The following MME variants were observed in gnomAD, a reference collection of about 807,000 sequenced individuals.
MME encodes the protein membrane metalloendopeptidase.
In MME, 98 loss-of-function variants were observed where a neutral mutation model predicts 113.2. The observed-to-expected ratio is 0.87, with a 90% confidence interval of 0.74 to 1.02. MME has a LOEUF of 1.02. Ranked by LOEUF, MME falls within the 50% of genes least tolerant of loss-of-function variation. The pLI, the probability that MME is intolerant of heterozygous loss-of-function variation, is 0.00. For synonymous variants in MME, 292 were observed against 300.6 expected, an observed-to-expected ratio of 0.97 and a Z score of 0.30; for missense variants, 836 against 896.0, an observed-to-expected ratio of 0.93 and a Z score of 0.86.
At chr3:155,104,833 A>G (rs774390531) in intron 3 of MME, among the ~76,000 whole-genome samples, 14 of 152,230 alleles carry the variant, frequency 9.2e-5, no homozygotes, top group Non-Finnish European at 1.0e-4. Flanking sequence ...TCAACAGCAG[A>G]TCTGATAACT....
intron 21 of MME, 106 bp from the exon 22 acceptor site, chr3:155,172,430 A>G (rs1712075571): frequency 1.1e-6 from 1 of 941,698 alleles, no homozygotes; most frequent in Non-Finnish European, 1.8e-6. Context: ...TGGTTGAGGA[A>G]TGCAGAATTC....
chr3:155,119,520 A>G (rs1576608161), intron 8 of MME, among the ~76,000 whole-genome samples: 1 of 123,666 alleles, frequency 8.1e-6, no homozygotes, highest in East Asian at 2.5e-4. Flanking sequence ...GCACCCACTA[A>G]CTCGTCATCT....
chr3:155,152,435 A>C (rs1303573355), intron 16 of MME, among the ~76,000 whole-genome samples: 2 of 152,220 alleles, frequency 1.3e-5, no homozygotes, highest in Non-Finnish European at 2.9e-5. Context: ...ACCAGAGCTT[A>C]AACACTAATG....
At chr3:155,106,067 A>G (rs1291569852) in intron 3 of MME, among the ~76,000 whole-genome samples, 1 of 152,218 alleles carries the variant, frequency 6.6e-6, no homozygotes, top group African/African-American at 2.4e-5. Context: ...ATATAGTTAT[A>G]AACTAATTAC....
intron 17 of MME, among the ~76,000 whole-genome samples, chr3:155,160,823 A>G (rs1559958758): frequency 6.6e-6 from 1 of 152,068 alleles, no homozygotes; most frequent in Non-Finnish European, 1.5e-5. Flanking sequence ...AAGTGGTTTA[A>G]GGTTTCAAGA....
chr3:155,042,306 T>C (rs1713348557), intron 1 of MME, among the ~76,000 whole-genome samples: 1 of 152,194 alleles, frequency 6.6e-6, no homozygotes, highest in African/African-American at 2.4e-5. Context: ...CTAATTACTT[T>C]TTTATTTTAA....
intron 3 of MME, among the ~76,000 whole-genome samples, chr3:155,103,899 T>C (rs1717469896): frequency 6.6e-6 from 1 of 152,140 alleles, no homozygotes; most frequent in African/African-American, 2.4e-5. Context: ...ATAAACTCAC[T>C]TATGGAAGGA....
chr3:155,036,682 T>C (rs896028290), intron 1 of MME, among the ~76,000 whole-genome samples: 10 of 152,150 alleles, frequency 6.6e-5, no homozygotes, highest in South Asian at 2.1e-4. Flanking sequence ...TGTCAAATAA[T>C]GTGTAACAAA....
intron 5 of MME, 43 bp downstream of exon 5, chr3:155,116,602 A>C: frequency 6.8e-7 from 1 of 1,475,250 alleles, no homozygotes; most frequent in Middle Eastern, 1.8e-4. Flanking sequence ...ATATATATAT[A>C]TATATTGGTG....
chr3:155,138,110 A>G lies in MME; in HGVS notation c.729A>G (p.Thr243=). The G allele has an allele frequency of 1.2e-6, 2 of 1,613,768 alleles. No homozygotes were observed. The highest frequency in any genetic ancestry group is 1.7e-6 in the Non-Finnish European group (2 of 1,179,784). Residue 243 remains threonine (T), a synonymous_variant, in exon 9 of 23, where the codon ACA becomes ACG. Coordinates refer to ENST00000360490, the MANE Select transcript of MME (RefSeq NM_007289.4). The stretch of plus-strand genomic sequence containing the variant: ...CTATTTTTTTCTTGCAGGCTTGTAC[A>G]GCATATGTGGATTTTATGATTTCTG... The part of the protein sequence containing the change: ...ECTGIYKEAC[T]AYVDFMISVA...
Position 155,116,778 on chromosome 3 carries a change from T to C in MME, c.535+19T>C, listed in dbSNP as rs201933048. On this transcript the variant is annotated intron_variant, in intron 6 of 22. Coordinates refer to ENST00000360490, the MANE Select transcript of MME (RefSeq NM_007289.4). The stretch of plus-strand genomic sequence containing the variant: ...AAATATGGTAAGGCAATTTTCCTAC[T>C]AAAAAAGAAATTTCCATGTAAAATC... 1 of 1,601,300 alleles carries C rather than the reference T, an allele frequency of 6.2e-7. No individual in the cohort carries two copies. Among genetic ancestry groups the C allele is most frequent in the Non-Finnish European group, 8.6e-7 (1 of 1,168,856 alleles).
At chr3:155,169,173 A>T (rs1361811596) in intron 20 of MME, among the ~76,000 whole-genome samples, 2 of 152,220 alleles carry the variant, frequency 1.3e-5, no homozygotes, top group African/African-American at 4.8e-5. Flanking sequence ...GACCAATATA[A>T]GAAACAGGAC....
upstream of MME, among the ~76,000 whole-genome samples, chr3:155,078,270 C>T (rs1398171689): frequency 2.0e-5 from 3 of 152,026 alleles, no homozygotes; most frequent in East Asian, 5.8e-4. Context: ...AGTCAAGCCC[C>T]GCATGCTTAT....
chr3:155,069,048 A>T (rs770587078), intron 1 of MME, among the ~76,000 whole-genome samples: 1 of 152,236 alleles, frequency 6.6e-6, no homozygotes, highest in Non-Finnish European at 1.5e-5. Context: ...CTGAGCCTGT[A>T]AAGTATATAG....
Position 155,063,916 on chromosome 3 carries a change from T to C in MME, c.-10-20242T>C, listed in dbSNP as rs117909505. 1.1e-4 allele frequency among the ~76,000 whole-genome samples: 16 copies of C among 151,548 alleles called. No homozygotes were observed. In the East Asian group the frequency reaches 3.1e-3, roughly 29 times the overall value. ...TCTCAATGTGACTGTATTTGGGAGATGGGGGCTTTACAGAGGTAATCAAGG... is the reference window on the plus strand; with the variant it reads ...TCTCAATGTGACTGTATTTGGGAGACGGGGGCTTTACAGAGGTAATCAAGG... On this transcript the variant is annotated intron_variant, in intron 1 of 22. Coordinates refer to the MME transcript ENST00000492661.
intron 3 of MME, among the ~76,000 whole-genome samples, chr3:155,090,777 C>G (rs569204337): frequency 1.3e-5 from 2 of 152,148 alleles, no homozygotes; most frequent in African/African-American, 4.8e-5. Context: ...GACTACTGTA[C>G]GCACATACTG....
At chr3:155,093,709 A>C (rs1408336874) in intron 3 of MME, among the ~76,000 whole-genome samples, 2 of 152,028 alleles carry the variant, frequency 1.3e-5, no homozygotes, top group African/African-American at 4.8e-5. Context: ...TACAAAAACT[A>C]TCTGGGCATG....
intron 8 of MME, among the ~76,000 whole-genome samples, chr3:155,130,393 A>G (rs1720043599): frequency 6.6e-6 from 1 of 152,194 alleles, no homozygotes; most frequent in African/African-American, 2.4e-5. Flanking sequence ...AGAGTTTGAG[A>G]GCATAAGGAG....
At chr3:155,054,362 A>T (rs370728319) in intron 1 of MME, among the ~76,000 whole-genome samples, 1 of 151,750 alleles carries the variant, frequency 6.6e-6, no homozygotes, top group Non-Finnish European at 1.5e-5. Flanking sequence ...TCTTCCTCTC[A>T]TGTTACTGAG....
Sources: allele counts gnomAD v4.1 joint callset (sites outside exome capture counted in the v4.1 genomes callset), GRCh38; gene constraint gnomAD v4.1.1; transcripts MANE v1.5; gene names NCBI Gene and HGNC (gene_info 2026-07-23, HGNC 2026-07-21).